Variants in NUCB2 observed in about 807,000 individuals in gnomAD.
NUCB2 encodes nucleobindin 2, also known as nucleobindin-2.
A neutral mutation model predicts 57.9 loss-of-function variants in NUCB2; 48 were observed. That is an observed-to-expected ratio of 0.83 (90% confidence interval 0.66 to 1.05). The LOEUF is 1.05. Among genes scored for constraint, NUCB2 ranks in the 50% least tolerant of loss-of-function variants. The pLI, the probability that NUCB2 is intolerant of heterozygous loss-of-function variation, is 0.00. For missense variants in NUCB2, 442 were observed against 476.2 expected (o/e 0.93, Z 0.67); for synonymous variants, 139 against 152.1 (o/e 0.91, Z 0.64).
intron 5 of NUCB2, among the ~76,000 whole-genome samples, chr11:17,305,583 C>T (rs1947490773): frequency 6.6e-6 from 1 of 151,856 alleles, no homozygotes; most frequent in Non-Finnish European, 1.5e-5. Context: ...AAGGTGATAT[C>T]TCATTATTAG....
Position 17,345,500 on chromosome 11 carries a change from T to A in NUCB2, n.2627-3845T>A, listed in dbSNP as rs931392229. ...AAGGCGGGTGGATCACGAGGTCAGG[T>A]GTTAAAGACCAGCCTGGCCAAGATG... On this transcript the variant is annotated intron_variant and non_coding_transcript_variant, in intron 2 of 2. Transcript: ENST00000532240. Among the ~76,000 whole-genome samples the A allele has an allele frequency of 3.2e-4, 48 of 152,054 alleles. No individual in the cohort carries two copies. The Middle Eastern group carries it at 0.02, about 65-fold the overall frequency.
At chr11:17,332,603 C>T (rs1468048330), downstream of NUCB2, 1 of 148,010 alleles carries the variant, frequency 6.8e-6, no homozygotes, top group Non-Finnish European at 1.5e-5. Flanking sequence ...GAGACAGTCC[C>T]CTCCATCATG....
At chr11:17,306,883 G>T (rs939871938) in intron 5 of NUCB2, among the ~76,000 whole-genome samples, 25 of 150,158 alleles carry the variant, frequency 1.7e-4, no homozygotes, top group African/African-American at 6.1e-4. Flanking sequence ...CTGTGCCCCA[G>T]CCTGGGTGAC....
At chr11:17,329,430 G>A (rs550544196) in intron 11 of NUCB2, among the ~76,000 whole-genome samples, 4 of 152,130 alleles carry the variant, frequency 2.6e-5, no homozygotes, top group Admixed American at 6.5e-5. Context: ...ACTTCAGCCC[G>A]CATGGTGAGG....
chr11:17,295,417 A>G lies in NUCB2; in HGVS notation c.94A>G (p.Thr32Ala). The change falls in exon 3 of 14, where the codon ACA (threonine) becomes GCA (alanine). Residue 32 changes from threonine (T) to alanine (A), a missense_variant. Transcript: ENST00000529010. Reference protein sequence around the residue: ...LEAVPIDIDKTKVQNIHPVES... With the variant: ...LEAVPIDIDKAKVQNIHPVES... ...AGCTGTGCCTATTGACATAGACAAG[A>G]CAAAAGTACAAAATATTCACCCTGT... 5 of 1,613,360 alleles carry G rather than the reference A, an allele frequency of 3.1e-6. No individual in the cohort carries two copies. The highest frequency in any genetic ancestry group is 4.2e-6 in the Non-Finnish European group (5 of 1,179,744).
At position 17,295,047 on chromosome 11, in the gene NUCB2, TCAAA is replaced by T. The variant is rs370595955; in HGVS notation, c.1-256_1-253del. 5.3e-4 allele frequency among the ~76,000 whole-genome samples: 81 copies of T among 152,202 alleles called. 1 individual carries two copies. The highest frequency in any genetic ancestry group is 1.2e-3 in the African/African-American group (48 of 41,536). ...TGGGCAACAAGAGTGAAACTCTGTC[TCAAA>T]CAAACAAACAAACAAACAAAAACAG... On this transcript the variant is annotated intron_variant, in intron 2 of 13. Coordinates refer to ENST00000529010, the MANE Select transcript of NUCB2 (RefSeq NM_005013.4).
At chr11:17,288,810 C>T (rs1591251637) in intron 2 of NUCB2, among the ~76,000 whole-genome samples, 2 of 149,902 alleles carry the variant, frequency 1.3e-5, no homozygotes, top group South Asian at 2.1e-4. Flanking sequence ...CCACCTCAGC[C>T]TCCCAAAGTG....
chr11:17,346,170 A>G (rs1188840806), intron 2 of NUCB2, among the ~76,000 whole-genome samples: 2 of 152,220 alleles, frequency 1.3e-5, no homozygotes, highest in African/African-American at 4.8e-5. Context: ...CTATCTTCCA[A>G]TGAAGGAACC....
chr11:17,296,098 T>A lies in NUCB2; in HGVS notation c.145-6T>A. 1 of 1,566,554 alleles carries A rather than the reference T, an allele frequency of 6.4e-7. No homozygotes were observed. Among genetic ancestry groups the A allele is most frequent in the Non-Finnish European group, 8.7e-7 (1 of 1,146,344 alleles). ...GAAGCATTACTGTTGGTTTCTTAAT[T>A]TGAAGGATACTGGACTTTATTATGA... On this transcript the variant is annotated splice_region_variant and splice_polypyrimidine_tract_variant and intron_variant, in intron 3 of 13. Transcript: ENST00000529010.
At position 17,276,800 on chromosome 11, in the gene NUCB2, C is replaced by G. The variant is rs967011024; in HGVS notation, c.-184C>G. The stretch of plus-strand genomic sequence containing the variant: ...TTGTGCGCTGGACGCAAGCACCAGG[C>G]GCAGCCTCGCTCGCCGAGACCCGGC... On this transcript the variant is annotated 5_prime_UTR_variant, in exon 1 of 14. Transcript: ENST00000529010. The G allele has an allele frequency of 2.6e-5, 4 of 152,292 alleles. No homozygotes were observed. Among genetic ancestry groups the G allele is most frequent in the African/African-American group, 9.7e-5 (4 of 41,436 alleles). 9.4% of individuals were successfully genotyped at this position (152,292 alleles called of 1,614,324 possible). A position where few individuals can be genotyped will look rare whatever the true frequency, so the allele number is the denominator to read the frequency against.
At chr11:17,302,948 C>T (rs1946998818) in intron 5 of NUCB2, among the ~76,000 whole-genome samples, 1 of 152,108 alleles carries the variant, frequency 6.6e-6, no homozygotes. Flanking sequence ...CCATGTTAGC[C>T]AGGATGGTCT....
Position 17,330,325 on chromosome 11 carries a change from T to C in NUCB2, c.1173+28T>C. 1 of 1,557,610 alleles carries C rather than the reference T, an allele frequency of 6.4e-7. No homozygotes were observed. The highest frequency in any genetic ancestry group is 8.7e-7 in the Non-Finnish European group (1 of 1,153,836). Reference sequence around the variant, plus strand: ...GGCATTTTGTCAAAAGATTATGGCATTAAAAAGATTTTAGGTGCTTTGTTA... The same window carrying C: ...GGCATTTTGTCAAAAGATTATGGCACTAAAAAGATTTTAGGTGCTTTGTTA... On this transcript the variant is annotated intron_variant, in intron 12 of 13. Coordinates refer to ENST00000529010, the MANE Select transcript of NUCB2 (RefSeq NM_005013.4). The surrounding 1 kb of genome is among the most constrained non-coding windows in gnomAD (Gnocchi z 4.3).
chr11:17,306,481 T>C (rs1947656274), intron 5 of NUCB2, among the ~76,000 whole-genome samples: 1 of 152,182 alleles, frequency 6.6e-6, no homozygotes, highest in Admixed American at 6.5e-5. Context: ...CTACTTGGGG[T>C]AGTCAGGCAT....
intron 2 of NUCB2, among the ~76,000 whole-genome samples, chr11:17,283,793 T>A (rs1003377894): frequency 1.3e-5 from 2 of 152,250 alleles, no homozygotes; most frequent in Non-Finnish European, 2.9e-5. Flanking sequence ...GGGTATCACA[T>A]AACTAATCAT....
At position 17,313,279 on chromosome 11, in the gene NUCB2, C is replaced by T. The variant is rs545558405; in HGVS notation, c.912+1159C>T. Among the ~76,000 whole-genome samples, 4 of 152,018 alleles carry T rather than the reference C, an allele frequency of 2.6e-5. No individual in the cohort carries two copies. In the South Asian group the frequency reaches 8.3e-4, roughly 32 times the overall value. ...GCATGATAGCTCATGCCTATAATCC[C>T]AGCACTTTGGGAGGCCGTGGCAGGT... On this transcript the variant is annotated intron_variant, in intron 10 of 13. Transcript: ENST00000529010.
intron 8 of NUCB2, 131 bp downstream of exon 8, chr11:17,311,414 G>C: frequency 1.6e-6 from 1 of 633,538 alleles, no homozygotes; most frequent in South Asian, 2.2e-5. Flanking sequence ...TTTTTCTAGG[G>C]TAATATGATA....
chr11:17,301,970 G>A (rs752824374), intron 5 of NUCB2, 100 bp downstream of exon 5: 120 of 955,836 alleles, frequency 1.3e-4, no homozygotes, highest in Non-Finnish European at 1.8e-4. Context: ...CACAATCACA[G>A]TTCACTACAG....
chr11:17,327,991 T>C (rs1027529022), intron 11 of NUCB2, among the ~76,000 whole-genome samples: 1 of 152,206 alleles, frequency 6.6e-6, no homozygotes, highest in African/African-American at 2.4e-5. Context: ...TGTGTGTAGA[T>C]GTTTGTTGGT....
rs1945662371 is a variant in NUCB2, at chr11:17,295,382, C to T, written c.59C>T (p.Thr20Ile). 2 of 1,613,274 alleles carry T rather than the reference C, an allele frequency of 1.2e-6. No individual in the cohort carries two copies. Among genetic ancestry groups the T allele is most frequent in the Non-Finnish European group, 1.7e-6 (2 of 1,179,478 alleles). ...YCFLLITCLL[T>I]ALEAVPIDID... The stretch of plus-strand genomic sequence containing the variant: ...TTTCTCTTGATTACATGTTTACTTA[C>T]TGCTCTTGAAGCTGTGCCTATTGAC... The change falls in exon 3 of 14, where the codon ACT (threonine) becomes ATT (isoleucine). Residue 20 changes from threonine (T) to isoleucine (I), a missense_variant. By Grantham distance (89) the Thr-to-Ile change is moderately conservative. Transcript: ENST00000529010.
Sources: gnomAD v4.1 joint callset for allele counts (sites outside exome capture counted in the v4.1 genomes callset) on GRCh38, gnomAD v4.1.1 for gene constraint, Gnocchi (gnomAD v3.1) non-coding constraint, MANE v1.5 for transcripts, NCBI Gene and HGNC (gene_info 2026-07-23, HGNC 2026-07-21) for gene names.